LRRC7: variants seen among roughly 807,000 people sequenced by gnomAD.
LRRC7 encodes leucine-rich repeat-containing protein 7.
Under a neutral mutation model 175.7 loss-of-function variants are expected in LRRC7, and 23 were observed. The observed-to-expected ratio is 0.13, with a 90% CI of 0.09 to 0.19. The LOEUF (loss-of-function observed/expected upper bound fraction) is 0.19. LRRC7 is among the 10% of genes least tolerant of loss of function. The pLI, the probability that LRRC7 is intolerant of heterozygous loss-of-function variation, is 1.00. For synonymous variants in LRRC7, 685 were observed against 680.9 expected, an observed-to-expected ratio of 1.01 and a Z score of -0.09; for missense variants, 1,354 against 1,904.7, an observed-to-expected ratio of 0.71 and a Z score of 5.38.
chr1:69,944,722 A>T (rs1413373444), intron 8 of LRRC7, among the ~76,000 whole-genome samples: 1 of 150,854 alleles, frequency 6.6e-6, no homozygotes, highest in African/African-American at 2.4e-5. Flanking sequence ...CTGTGAGGTG[A>T]TTTCTCATTG....
intron 8 of LRRC7, among the ~76,000 whole-genome samples, chr1:69,957,269 T>G (rs1650593529): frequency 6.6e-6 from 1 of 151,876 alleles, no homozygotes; most frequent in African/African-American, 2.4e-5. Context: ...CTGCCTCTAA[T>G]GAAGTATTTT....
At chr1:70,001,651 TAAAA>T (rs1470739139) in intron 11 of LRRC7, among the ~76,000 whole-genome samples, 1 of 152,210 alleles carries the variant, frequency 6.6e-6, no homozygotes, top group African/African-American at 2.4e-5. Context: ...AGACTTATCT[TAAAA>T]ACTCCTGGAA....
chr1:69,906,613 A>C (rs1210415383), intron 7 of LRRC7, among the ~76,000 whole-genome samples: 1 of 151,938 alleles, frequency 6.6e-6, no homozygotes, highest in Non-Finnish European at 1.5e-5. Flanking sequence ...TGTTCCATTG[A>C]TCTATATCTC....
intron 1 of LRRC7, among the ~76,000 whole-genome samples, chr1:69,650,862 G>T (rs1204686987): frequency 6.6e-6 from 1 of 152,132 alleles, no homozygotes; most frequent in African/African-American, 2.4e-5. Flanking sequence ...TGGCACTGTC[G>T]ATAGCTTACC....
At chr1:69,616,851 TAATA>T (rs767420886) in intron 1 of LRRC7, among the ~76,000 whole-genome samples, 1 of 152,090 alleles carries the variant, frequency 6.6e-6, no homozygotes, top group Non-Finnish European at 1.5e-5. Flanking sequence ...AATTGTCCTA[TAATA>T]AATCACTTAT....
intron 3 of LRRC7, among the ~76,000 whole-genome samples, chr1:69,782,725 TGAG>T (rs1217738848): frequency 1.3e-5 from 2 of 152,142 alleles, no homozygotes. Flanking sequence ...TGAAAAATTA[TGAG>T]GAGGAGATGG....
chr1:70,029,604 GTTCTT>G (rs1173043134), intron 18 of LRRC7, among the ~76,000 whole-genome samples: 1 of 152,036 alleles, frequency 6.6e-6, no homozygotes, highest in African/African-American at 2.4e-5. Context: ...GCAACAGACT[GTTCTT>G]TTATCTCAAA....
intron 7 of LRRC7, among the ~76,000 whole-genome samples, chr1:69,869,400 C>T (rs777021034): frequency 2.6e-5 from 4 of 151,658 alleles, no homozygotes; most frequent in Non-Finnish European, 4.4e-5. Context: ...GTGACATCAT[C>T]AATGAAGGTT....
chr1:69,766,872 C>G (rs1346341010), intron 3 of LRRC7, among the ~76,000 whole-genome samples: 1 of 152,120 alleles, frequency 6.6e-6, no homozygotes, highest in Non-Finnish European at 1.5e-5. Flanking sequence ...CTTACACTGT[C>G]TTTTTTTCTT....
intron 15 of LRRC7, 30 bp downstream of exon 15, chr1:70,018,848 C>T (rs768308260): frequency 3.3e-6 from 5 of 1,516,340 alleles, no homozygotes; most frequent in Non-Finnish European, 4.6e-6. Context: ...TTCTTCTCTA[C>T]TTATAATGAT....
chr1:69,827,552 C>G (rs1680063308), intron 5 of LRRC7, among the ~76,000 whole-genome samples: 1 of 152,008 alleles, frequency 6.6e-6, no homozygotes, highest in Non-Finnish European at 1.5e-5. Flanking sequence ...TATTTCTATA[C>G]AATAAAATTT....
rs188409633 is a variant in LRRC7, at chr1:69,919,587, G to A, written c.648-11920G>A. 515 of 803,598 alleles carry A rather than the reference G, an allele frequency of 6.4e-4. 1 individual carries two copies. The highest frequency in any genetic ancestry group is 6.0e-3 in the Middle Eastern group (26 of 4,328). The allele number at this position is 803,598 out of a possible 1,614,324, so 49.8% of individuals were successfully genotyped here. A position where few individuals can be genotyped will look rare whatever the true frequency, so the allele number is the denominator to read the frequency against. ...TCGACCTGGCGGCAGGAAATCACCC[G>A]GACCAAGGAGGAGGCCCTGGAGCTG... On this transcript the variant is annotated intron_variant, in intron 7 of 26. Transcript: ENST00000651989.
chr1:69,632,301 G>C (rs1652636969), intron 1 of LRRC7, among the ~76,000 whole-genome samples: 1 of 152,204 alleles, frequency 6.6e-6, no homozygotes, highest in Admixed American at 6.5e-5. Context: ...AGCTATGTGA[G>C]GATAGGACAC....
At chr1:69,665,395 A>G (rs75678641) in intron 1 of LRRC7, among the ~76,000 whole-genome samples, 1,626 of 152,262 alleles carry the variant, frequency 0.011, 8 homozygotes, top group Middle Eastern at 0.017. Flanking sequence ...TGCTTTGAGT[A>G]GTATGGACAT....
intron 16 of LRRC7, among the ~76,000 whole-genome samples, chr1:70,021,990 AT>A (rs1297107226): frequency 6.6e-6 from 1 of 152,042 alleles, no homozygotes; most frequent in African/African-American, 2.4e-5. Context: ...ATAAAGCTAG[AT>A]TGTGTGTTAT....
intron 2 of LRRC7, among the ~76,000 whole-genome samples, chr1:69,721,809 A>G (rs1486398906): frequency 1.3e-5 from 2 of 151,880 alleles, no homozygotes; most frequent in East Asian, 1.9e-4. Flanking sequence ...TTGTTGAGAA[A>G]CAAGTACTTT....
chr1:69,960,766 A>G (rs1650985712), intron 8 of LRRC7, among the ~76,000 whole-genome samples: 3 of 150,174 alleles, frequency 2.0e-5, no homozygotes. Context: ...GGCCTTCAAT[A>G]AAATTCAACA....
chr1:70,003,237 T>C (rs1356440314), intron 11 of LRRC7, among the ~76,000 whole-genome samples: 3 of 152,184 alleles, frequency 2.0e-5, no homozygotes, highest in African/African-American at 7.2e-5. Context: ...CCCACCCTTA[T>C]GACTTTATCC....
chr1:69,568,674 G>A lies in LRRC7; in HGVS notation c.2+33G>A, dbSNP rs377168876. ...AGGCACGCTCGCTCCGTGGCGGAGG[G>A]TGCTGCGGGGGCCCGGCCGCGGCGA... On this transcript the variant is annotated intron_variant, in intron 1 of 26. Coordinates refer to ENST00000651989, the MANE Select transcript of LRRC7 (RefSeq NM_001370785.2). The A allele has an allele frequency of 6.2e-6, 8 of 1,297,608 alleles. No individual in the cohort carries two copies. In the Admixed American group the frequency reaches 1.4e-4, roughly 22 times the overall value. 80.4% of individuals were successfully genotyped at this position (1,297,608 alleles called of 1,614,324 possible).
Sources: gnomAD v4.1 joint callset for allele counts (sites outside exome capture counted in the v4.1 genomes callset) on GRCh38, gnomAD v4.1.1 for gene constraint, MANE v1.5 for transcripts, NCBI Gene and HGNC (gene_info 2026-07-23, HGNC 2026-07-21) for gene names.